SDC2: variants seen among roughly 807,000 people sequenced by gnomAD.
The protein encoded by SDC2 is syndecan 2, also known as syndecan-2.
SDC2 carries 13 observed loss-of-function variants against 22.2 expected under a neutral mutation model. The ratio of observed to expected loss-of-function variants is 0.59; its 90% CI spans 0.38 to 0.93. The LOEUF is 0.93. SDC2 is among the 40% of genes least tolerant of loss of function. SDC2 has a pLI of 0.00. For missense variants in SDC2, 235 were observed against 246.8 expected, an observed-to-expected ratio of 0.95 and a Z score of 0.32; for synonymous variants, 94 against 92.8, an observed-to-expected ratio of 1.01 and a Z score of -0.07.
At chr8:96,513,611 A>G (rs567137655) in intron 1 of SDC2, among the ~76,000 whole-genome samples, 15 of 152,320 alleles carry the variant, frequency 9.8e-5, no homozygotes, top group African/African-American at 2.9e-4. Flanking sequence ...CTTTTATTGG[A>G]AATTTTAAAA....
intron 1 of SDC2, among the ~76,000 whole-genome samples, chr8:96,578,584 T>G (rs1055339955): frequency 3.3e-5 from 5 of 152,182 alleles, no homozygotes; most frequent in African/African-American, 1.2e-4. Context: ...AATTTTACAA[T>G]GGAAGAGATG....
At chr8:96,539,404 G>A (rs758793003) in intron 1 of SDC2, among the ~76,000 whole-genome samples, 26 of 152,164 alleles carry the variant, frequency 1.7e-4, no homozygotes, top group African/African-American at 6.3e-4. Flanking sequence ...CACGTATAAA[G>A]TACTGAAGTA....
intron 1 of SDC2, among the ~76,000 whole-genome samples, chr8:96,574,004 A>C (rs1814445546): frequency 1.3e-5 from 2 of 149,326 alleles, no homozygotes; most frequent in African/African-American, 2.5e-5. Context: ...GCCTCATTTG[A>C]CCCTATTCTC....
chr8:96,526,671 T>C (rs1050242235), intron 1 of SDC2, among the ~76,000 whole-genome samples: 2 of 152,116 alleles, frequency 1.3e-5, no homozygotes, highest in Admixed American at 6.5e-5. Context: ...GTTTTTTTTT[T>C]TGGACAGTTT....
chr8:96,597,674 A>G (rs933818703), intron 2 of SDC2, among the ~76,000 whole-genome samples: 1 of 152,244 alleles, frequency 6.6e-6, no homozygotes, highest in Non-Finnish European at 1.5e-5. Flanking sequence ...TAAAACAGGA[A>G]TGTTCTGAGA....
intron 1 of SDC2, among the ~76,000 whole-genome samples, chr8:96,501,045 A>C (rs1402457082): frequency 2.0e-5 from 3 of 152,144 alleles, no homozygotes; most frequent in Admixed American, 6.5e-5. Context: ...ATGTTTTCAC[A>C]GTTTTTTTCT....
intron 1 of SDC2, among the ~76,000 whole-genome samples, chr8:96,499,597 A>C (rs938119812): frequency 5.9e-5 from 9 of 152,246 alleles, no homozygotes; most frequent in African/African-American, 2.2e-4. Context: ...GAACTTGGAC[A>C]GTATATTAAA....
At position 96,610,083 on chromosome 8, in the gene SDC2, TTAAC is replaced by T. The variant is rs2130669336; in HGVS notation, c.*537_*540del. ...TATGTGATTTTCAAATATGTAAACT[TTAAC>T]TTCCACTTTGTATAAATTTTTAAGT... On this transcript the variant is annotated 3_prime_UTR_variant, in exon 5 of 5. Transcript: ENST00000302190. 1 of 152,782 alleles carries T rather than the reference TTAAC, an allele frequency of 6.5e-6. No homozygotes were observed. The highest frequency in any genetic ancestry group is 1.9e-4 in the East Asian group (1 of 5,188). The allele number at this position is 152,782 out of a possible 1,614,324, so 9.5% of individuals were successfully genotyped here. A position where few individuals can be genotyped will look rare whatever the true frequency, so the allele number is the denominator to read the frequency against.
At chr8:96,591,656 G>A (rs548136722) in intron 1 of SDC2, among the ~76,000 whole-genome samples, 22 of 152,242 alleles carry the variant, frequency 1.4e-4, no homozygotes, top group African/African-American at 5.3e-4. Context: ...TTATAATTAG[G>A]AGGTGTATAA....
chr8:96,545,094 C>T (rs990020336), intron 1 of SDC2, among the ~76,000 whole-genome samples: 1 of 152,196 alleles, frequency 6.6e-6, no homozygotes, highest in Non-Finnish European at 1.5e-5. Context: ...ACCTGACTAG[C>T]TTTCCTCCTG....
At chr8:96,531,879 T>A (rs572848538) in intron 1 of SDC2, among the ~76,000 whole-genome samples, 4 of 152,316 alleles carry the variant, frequency 2.6e-5, no homozygotes, top group African/African-American at 9.6e-5. Context: ...CATCTCATCT[T>A]CAGTTCTTTG....
Position 96,607,699 on chromosome 8 carries a change from G to A in SDC2, c.307-636G>A, listed in dbSNP as rs1407152231. Among the ~76,000 whole-genome samples, 4 of 152,106 alleles carry A rather than the reference G, an allele frequency of 2.6e-5. No homozygotes were observed. In the East Asian group the frequency reaches 5.8e-4, roughly 22 times the overall value. On this transcript the variant is annotated intron_variant, in intron 3 of 4. Transcript: ENST00000302190. ...CAGTGTCCGAGACCCAGTGAGTGTC[G>A]TTCATTAGACAGGTGAGGAAATCAA...
chr8:96,512,647 A>G (rs1431980862), intron 1 of SDC2, among the ~76,000 whole-genome samples: 1 of 152,106 alleles, frequency 6.6e-6, no homozygotes, highest in Non-Finnish European at 1.5e-5. Flanking sequence ...ATTGGGGGCT[A>G]TTTACTGTCG....
chr8:96,576,568 C>T (rs1377531446), intron 1 of SDC2, among the ~76,000 whole-genome samples: 2 of 132,844 alleles, frequency 1.5e-5, no homozygotes, highest in African/African-American at 5.4e-5. Context: ...TACAGGCGCC[C>T]GCCACTACGC....
chr8:96,548,602 T>G (rs773047611), intron 1 of SDC2, among the ~76,000 whole-genome samples: 4 of 152,316 alleles, frequency 2.6e-5, no homozygotes, highest in Non-Finnish European at 4.4e-5. Context: ...AAGTGCCACC[T>G]TTTCACTTGT....
rs1300967324 is a variant in SDC2, at chr8:96,494,159, C to T, written c.-113C>T. 8.7e-7 allele frequency: 1 copy of T among 1,144,814 alleles called. No homozygotes were observed. The allele number at this position is 1,144,814 out of a possible 1,614,324, so 70.9% of individuals were successfully genotyped here. ...AGTCCCCGAGCCTGAGCCGCAATCG[C>T]TGCGGTACTCTGCTCCGGATTCGTG... On this transcript the variant is annotated 5_prime_UTR_variant, in exon 1 of 5. Transcript: ENST00000302190.
chr8:96,548,147 CAT>C (rs1413844238), intron 1 of SDC2, among the ~76,000 whole-genome samples: 3 of 152,158 alleles, frequency 2.0e-5, no homozygotes, highest in African/African-American at 7.2e-5. Context: ...AAATAATAAA[CAT>C]AGTTGAAATA....
intron 4 of SDC2, among the ~76,000 whole-genome samples, 191 bp downstream of exon 4, chr8:96,608,661 C>T (rs1315706584): frequency 6.6e-6 from 1 of 152,242 alleles, no homozygotes; most frequent in Non-Finnish European, 1.5e-5. Flanking sequence ...CTCCCTCAAC[C>T]TACCTCTTCG....
rs752534316 is a variant in SDC2 at position 96,609,567 on chromosome 8, C to CA, written c.*19_*20insA. ...TGCGTAAAACTCCAACTTAGTGTCT[C>CA]TATTTATGAGATCACTGAACTTTTC... On this transcript the variant is annotated 3_prime_UTR_variant, in exon 5 of 5. Transcript: ENST00000302190. 1.3e-6 allele frequency: 2 copies of CA among 1,537,000 alleles called. No homozygotes were observed. Among genetic ancestry groups the CA allele is most frequent in the East Asian group, 4.7e-5 (2 of 42,698 alleles).
Sources: allele counts gnomAD v4.1 joint callset (sites outside exome capture counted in the v4.1 genomes callset), GRCh38; gene constraint gnomAD v4.1.1; transcripts MANE v1.5; gene names NCBI Gene and HGNC (gene_info 2026-07-23, HGNC 2026-07-21).